The following PYROXD1 variants were observed in gnomAD, a reference collection of about 807,000 sequenced individuals.
The protein encoded by PYROXD1 is tRNA ligase complex-associated NAD(P)H dehydrogenase PYROXD1.
Under a neutral mutation model 62.0 loss-of-function variants are expected in PYROXD1, and 42 were observed. The observed-to-expected ratio is 0.68, with a 90% CI of 0.53 to 0.88. PYROXD1 has a LOEUF of 0.88. PYROXD1 is among the 40% of genes least tolerant of loss of function. The probability of loss-of-function intolerance (pLI) is 0.00; values close to 1 mark genes in which losing one functional copy is unlikely to be tolerated. For synonymous variants in PYROXD1, 170 were observed against 206.4 expected, an observed-to-expected ratio of 0.82 and a Z score of 1.51; for missense variants, 493 against 604.8, an observed-to-expected ratio of 0.82 and a Z score of 1.94.
Position 21,468,607 on chromosome 12 carries a change from A to G in PYROXD1, c.1356A>G (p.Gln452=). 6.2e-7 allele frequency: 1 copy of G among 1,613,124 alleles called. No homozygotes were observed. The highest frequency in any genetic ancestry group is 8.5e-7 in the Non-Finnish European group (1 of 1,179,410). ...KGREYIKVVM[Q]NGRMMGAVLI... is the part of the protein sequence containing the mutation. ...GAGAATACATCAAAGTCGTCATGCA[A>G]AATGGACGAATGATGGGAGCTGTCT... Residue 452 remains glutamine (Q), a synonymous_variant, in exon 12 of 12, where the codon CAA becomes CAG. Coordinates refer to ENST00000240651, the MANE Select transcript of PYROXD1 (RefSeq NM_024854.5).
chr12:21,447,305 A>G (rs549992896), intron 3 of PYROXD1, among the ~76,000 whole-genome samples: 10 of 152,322 alleles, frequency 6.6e-5, no homozygotes, highest in Non-Finnish European at 1.3e-4. Flanking sequence ...AGGAAAAAAT[A>G]AAAAATCTGA....
At chr12:21,459,297 G>T (rs1191592942) in intron 7 of PYROXD1, among the ~76,000 whole-genome samples, 4 of 152,164 alleles carry the variant, frequency 2.6e-5, no homozygotes, top group African/African-American at 9.6e-5. Context: ...AACCCAAAAG[G>T]ACTGGGTTTG....
intron 5 of PYROXD1, among the ~76,000 whole-genome samples, chr12:21,454,379 G>C (rs1168442860): frequency 6.6e-6 from 1 of 151,952 alleles, no homozygotes; most frequent in Admixed American, 6.6e-5. Flanking sequence ...TACCAAAAAT[G>C]ATTATTAGTA....
chr12:21,440,308 A>G, intron 1 of PYROXD1, 60 bp from the exon 2 acceptor site: 14 of 941,460 alleles, frequency 1.5e-5, no homozygotes, highest in East Asian at 2.4e-5. Context: ...ACCCCAAACC[A>G]TATATACCAG....
chr12:21,470,347 C>T lies in PYROXD1; in HGVS notation c.*1593C>T, dbSNP rs1275496741. 15 of 1,023,998 alleles carry T rather than the reference C, an allele frequency of 1.5e-5. No individual in the cohort carries two copies. Among genetic ancestry groups the T allele is most frequent in the South Asian group, 3.4e-5 (1 of 29,462 alleles). 63.4% of individuals were successfully genotyped at this position (1,023,998 alleles called of 1,614,324 possible). A position where few individuals can be genotyped will look rare whatever the true frequency, so the allele number is the denominator to read the frequency against. On this transcript the variant is annotated 3_prime_UTR_variant, in exon 12 of 12. Coordinates refer to ENST00000240651, the MANE Select transcript of PYROXD1 (RefSeq NM_024854.5). ...AATGACAAGTTTGAGACGATTCAGC[C>T]TACAAAAAAAAAAAAAAAACAAAGC...
At chr12:21,440,533 T>C (rs1942274840) in intron 2 of PYROXD1, 85 bp downstream of exon 2, 1 of 763,436 alleles carries the variant, frequency 1.3e-6, no homozygotes, top group Non-Finnish European at 2.2e-6. Flanking sequence ...GTGTATTTTT[T>C]TCTTTCTTAA....
At chr12:21,462,226 CTT>C (rs1942711633) in intron 9 of PYROXD1, 106 bp downstream of exon 9, 1 of 661,438 alleles carries the variant, frequency 1.5e-6, no homozygotes, top group Non-Finnish European at 2.6e-6. Context: ...ACAACTGTAA[CTT>C]AACATGGTTG....
At chr12:21,448,186 CT>C in intron 3 of PYROXD1, 1 of 641,540 alleles carries the variant, frequency 1.6e-6, no homozygotes, top group Non-Finnish European at 3.0e-6. Context: ...GCATCAGGGC[CT>C]TCACAGCCAC....
chr12:21,454,580 T>G (rs10770813), intron 5 of PYROXD1, among the ~76,000 whole-genome samples: 1 of 151,196 alleles, frequency 6.6e-6, no homozygotes, highest in African/African-American at 2.4e-5. Flanking sequence ...TATACCATTT[T>G]CATTCTTTCC....
At chr12:21,461,877 AGT>A in intron 8 of PYROXD1, 129 bp from the exon 9 acceptor site, 1 of 498,054 alleles carries the variant, frequency 2.0e-6, no homozygotes, top group East Asian at 2.9e-5. Flanking sequence ...ATTGCTAAGG[AGT>A]GTGTTACAAA....
Position 21,471,174 on chromosome 12 carries a change from A to G in PYROXD1, c.*2420A>G, listed in dbSNP as rs1942949251. ...AAACAAATTTATAAAAGAAATAACT[A>G]TATGCGCAGTAATTCTTAACACATT... On this transcript the variant is annotated 3_prime_UTR_variant, in exon 12 of 12. Coordinates refer to ENST00000240651, the MANE Select transcript of PYROXD1 (RefSeq NM_024854.5). The G allele has an allele frequency of 1.5e-6, 2 of 1,359,916 alleles. No individual in the cohort carries two copies. Among genetic ancestry groups the G allele is most frequent in the Admixed American group, 5.2e-5 (2 of 38,568 alleles). 84.2% of individuals were successfully genotyped at this position (1,359,916 alleles called of 1,614,324 possible).
At chr12:21,457,042 C>A (rs934086386) in intron 7 of PYROXD1, 3 of 314,396 alleles carry the variant, frequency 9.5e-6, no homozygotes, top group Non-Finnish European at 1.2e-5. Context: ...ACCATATCTG[C>A]CTTTCTCCAT....
At chr12:21,455,664 CAA>C (rs1378156610) in intron 6 of PYROXD1, among the ~76,000 whole-genome samples, 1 of 141,894 alleles carries the variant, frequency 7.0e-6, no homozygotes, top group Non-Finnish European at 1.6e-5. Context: ...TAAAATTAAA[CAA>C]GAGTTTTGTA....
chr12:21,469,296 TAATGCAGCCCAGAACAGCTTTG>T lies in PYROXD1; in HGVS notation c.*554_*575del, dbSNP rs1396243793. On this transcript the variant is annotated 3_prime_UTR_variant, in exon 12 of 12. Transcript: ENST00000240651. ...CTTGTCCAACTCTAGCCCACGGGTC[TAATGCAGCCCAGAACAGCTTTG>T]AATGCAGCCCAACACAAATCTGTAA... is the stretch of plus-strand genomic sequence containing the variant. The T allele has an allele frequency of 1.3e-5, 2 of 154,258 alleles. No individual in the cohort carries two copies. Among genetic ancestry groups the T allele is most frequent in the Non-Finnish European group, 2.9e-5 (2 of 69,550 alleles). The allele number at this position is 154,258 out of a possible 1,614,324, so 9.6% of individuals were successfully genotyped here. A position where few individuals can be genotyped will look rare whatever the true frequency, so the allele number is the denominator to read the frequency against.
intron 10 of PYROXD1, 158 bp from the exon 11 acceptor site, chr12:21,467,323 A>G: frequency 1.8e-6 from 1 of 560,436 alleles, no homozygotes; most frequent in Non-Finnish European, 3.1e-6. Context: ...AATACCAAAA[A>G]TCAGTCTGAT....
chr12:21,462,232 A>G (rs1045598623), intron 9 of PYROXD1, 112 bp downstream of exon 9: 4 of 644,932 alleles, frequency 6.2e-6, no homozygotes, highest in Non-Finnish European at 1.1e-5. Flanking sequence ...GTAACTTAAC[A>G]TGGTTGGAAA....
chr12:21,470,021 C>G lies in PYROXD1; in HGVS notation c.*1267C>G. On this transcript the variant is annotated 3_prime_UTR_variant, in exon 12 of 12. Coordinates refer to ENST00000240651, the MANE Select transcript of PYROXD1 (RefSeq NM_024854.5). ...TGGAAAATTATATAATTCATGATCT[C>G]TAATTTTCAAACATTCTCAAAAGTT... The G allele has an allele frequency of 1.3e-6, 1 of 770,784 alleles. No individual in the cohort carries two copies. Among genetic ancestry groups the G allele is most frequent in the East Asian group, 3.3e-5 (1 of 30,392 alleles). 47.7% of individuals were successfully genotyped at this position (770,784 alleles called of 1,614,324 possible). A position where few individuals can be genotyped will look rare whatever the true frequency, so the allele number is the denominator to read the frequency against.
At chr12:21,466,516 G>A (rs1222013228) in intron 10 of PYROXD1, among the ~76,000 whole-genome samples, 2 of 152,126 alleles carry the variant, frequency 1.3e-5, no homozygotes, top group African/African-American at 4.8e-5. Context: ...CATTGATTTT[G>A]TATCCTGAGA....
At chr12:21,442,495 C>T (rs1034880489) in intron 2 of PYROXD1, among the ~76,000 whole-genome samples, 1 of 152,142 alleles carries the variant, frequency 6.6e-6, no homozygotes, top group African/African-American at 2.4e-5. Context: ...TTGCAGGCCC[C>T]AAAGTGCAAA....
Sources: allele counts gnomAD v4.1 joint callset (sites outside exome capture counted in the v4.1 genomes callset), GRCh38; gene constraint gnomAD v4.1.1; transcripts MANE v1.5; gene names NCBI Gene and HGNC (gene_info 2026-07-23, HGNC 2026-07-21).